DSCAM: variants seen among roughly 807,000 people sequenced by gnomAD.
DSCAM encodes the protein DS cell adhesion molecule.
DSCAM carries 47 observed loss-of-function variants against 217.7 expected under a neutral mutation model. That is an observed-to-expected ratio of 0.22 (90% CI 0.17 to 0.28). DSCAM has a LOEUF of 0.28. Ranked by LOEUF, DSCAM falls within the 10% of genes least tolerant of loss-of-function variation. The pLI is 1.00. For missense variants in DSCAM, 2,080 were observed against 2,618.3 expected (o/e 0.79, Z 4.49); for synonymous variants, 1,056 against 1,015.3 (o/e 1.04, Z -0.76).
chr21:40,646,919 T>C (rs1039174587), intron 3 of DSCAM, among the ~76,000 whole-genome samples: 1 of 152,260 alleles, frequency 6.6e-6, no homozygotes, highest in African/African-American at 2.4e-5. Flanking sequence ...TTTCTGCCAA[T>C]ATTCTCTTCT....
At chr21:40,235,695 A>T (rs993022648) in intron 11 of DSCAM, among the ~76,000 whole-genome samples, 7 of 152,040 alleles carry the variant, frequency 4.6e-5, no homozygotes, top group Non-Finnish European at 1.0e-4. Flanking sequence ...TCTGCAAGCA[A>T]ATTTGGCCTC....
In DSCAM at chr21:40,144,388, A is replaced by C. The variant is rs961530098; in HGVS notation, c.3259+103T>G. 43 of 1,537,554 alleles carry C rather than the reference A, an allele frequency of 2.8e-5. No homozygotes were observed. Among genetic ancestry groups the C allele is most frequent in the Middle Eastern group, 2.4e-4 (1 of 4,172 alleles). On this transcript the variant is annotated intron_variant, in intron 17 of 32. Coordinates refer to ENST00000400454, the MANE Select transcript of DSCAM (RefSeq NM_001389.5). The surrounding 1 kb of genome is among the most constrained non-coding windows in gnomAD (Gnocchi z 4.8). ...GACCCCAGGCCCTGCAGGTCACTGCAAAGTCGTGGGGCGGGGGAGTGCGAG... is the reference window on the plus strand; with the variant it reads ...GACCCCAGGCCCTGCAGGTCACTGCCAAGTCGTGGGGCGGGGGAGTGCGAG...
chr21:40,117,702 A>T (rs1056302084), intron 20 of DSCAM, among the ~76,000 whole-genome samples: 1 of 152,250 alleles, frequency 6.6e-6, no homozygotes, highest in Non-Finnish European at 1.5e-5. Context: ...CATCACGTGT[A>T]GTAAATGTAA....
chr21:40,629,074 GTGGTGTGTGTGTGTGTGTGTGT>G (rs879448307), intron 3 of DSCAM, among the ~76,000 whole-genome samples: 13,222 of 133,456 alleles, frequency 0.099, 708 homozygotes, highest in Middle Eastern at 0.21. Context: ...ATGTGTGTGT[GTGGTGTGTGTGTGTGTGTGTGT>G]GTGTGTGTGT....
chr21:40,294,295 A>G (rs1209920905), intron 10 of DSCAM, among the ~76,000 whole-genome samples: 2 of 152,350 alleles, frequency 1.3e-5, no homozygotes, highest in Admixed American at 6.5e-5. Flanking sequence ...GAAATTTCCC[A>G]AAGGAGAAGT....
chr21:40,348,140 T>C (rs1321176574), intron 5 of DSCAM, among the ~76,000 whole-genome samples, 195 bp from the exon 6 acceptor site: 1 of 89,934 alleles, frequency 1.1e-5, no homozygotes, highest in Non-Finnish European at 2.4e-5. Flanking sequence ...TCCACACAGT[T>C]CCCATCAGCC....
At chr21:40,608,312 T>G (rs2089269332) in intron 3 of DSCAM, among the ~76,000 whole-genome samples, 1 of 152,154 alleles carries the variant, frequency 6.6e-6, no homozygotes, top group Admixed American at 6.5e-5. Flanking sequence ...TATTTGAAAC[T>G]GCAAAGAACA....
At chr21:40,652,072 G>C (rs1218067065) in intron 3 of DSCAM, among the ~76,000 whole-genome samples, 1 of 151,906 alleles carries the variant, frequency 6.6e-6, no homozygotes, top group East Asian at 1.9e-4. Context: ...AGATTATAAA[G>C]GAGTGAGAAA....
intron 3 of DSCAM, among the ~76,000 whole-genome samples, chr21:40,512,871 C>T (rs145914354): frequency 3.3e-5 from 5 of 151,620 alleles, no homozygotes; most frequent in Non-Finnish European, 7.4e-5. Flanking sequence ...CGACGCTTGC[C>T]CATTTCCTCC....
intron 4 of DSCAM, 142 bp downstream of exon 4, chr21:40,368,957 G>C: frequency 3.2e-6 from 3 of 934,056 alleles, no homozygotes; most frequent in Non-Finnish European, 4.5e-6. Flanking sequence ...ATTTAAAAGA[G>C]TTTTAAAATT....
intron 15 of DSCAM, among the ~76,000 whole-genome samples, chr21:40,168,051 A>G (rs2090616593): frequency 1.2e-4 from 19 of 152,046 alleles, no homozygotes; most frequent in Admixed American, 1.2e-3. Context: ...ACAGAGTGAG[A>G]CTCCATCTCA....
At chr21:40,533,234 T>C (rs1048769394) in intron 3 of DSCAM, among the ~76,000 whole-genome samples, 1 of 152,210 alleles carries the variant, frequency 6.6e-6, no homozygotes, top group Non-Finnish European at 1.5e-5. Context: ...TGCCAATGTG[T>C]GTGATGAATC....
At chr21:40,724,279 C>T (rs1182477804) in intron 1 of DSCAM, among the ~76,000 whole-genome samples, 1 of 152,090 alleles carries the variant, frequency 6.6e-6, no homozygotes, top group African/African-American at 2.4e-5. Flanking sequence ...CAGTAAAGCA[C>T]ATGAATAAAC....
rs114741050 is a variant in DSCAM, at chr21:40,042,597, G to A, written c.5460C>T (p.His1820=). The A allele has an allele frequency of 7.5e-4, 1,207 of 1,614,102 alleles. 7 individuals carry two copies. In the African/African-American group the frequency reaches 0.012, roughly 16 times the overall value. Residue 1820 remains histidine (H), a synonymous_variant, in exon 32 of 33, where the codon CAC becomes CAT. Coordinates refer to ENST00000400454, the MANE Select transcript of DSCAM (RefSeq NM_001389.5). ...GCCTCAGTTGCTCTTCCATCTTGGCGTGTTCGTAGGCCCTGGCCAGTTCTT... is the reference window on the plus strand; with the variant it reads ...GCCTCAGTTGCTCTTCCATCTTGGCATGTTCGTAGGCCCTGGCCAGTTCTT... The part of the protein sequence containing the change: ...TYEELARAYE[H]AKMEEQLRHA...
chr21:40,202,803 A>G (rs888646997), intron 11 of DSCAM, among the ~76,000 whole-genome samples: 1 of 152,210 alleles, frequency 6.6e-6, no homozygotes, highest in African/African-American at 2.4e-5. Context: ...TCATTCAAGC[A>G]TTAGTGGCAT....
At chr21:40,461,650 A>C (rs1335787361) in intron 3 of DSCAM, among the ~76,000 whole-genome samples, 1 of 152,188 alleles carries the variant, frequency 6.6e-6, no homozygotes, top group African/African-American at 2.4e-5. Flanking sequence ...TTCATGGCAA[A>C]GGGGAGTTAA....
intron 1 of DSCAM, among the ~76,000 whole-genome samples, chr21:40,754,624 G>A: frequency 6.6e-6 from 1 of 152,176 alleles, no homozygotes; most frequent in Admixed American, 6.5e-5. Context: ...GCTGCTCTCA[G>A]GAGTCAATCT....
intron 20 of DSCAM, among the ~76,000 whole-genome samples, chr21:40,114,408 T>C (rs979019188): frequency 1.1e-4 from 16 of 151,200 alleles, no homozygotes; most frequent in South Asian, 2.1e-4. Context: ...ATACAAAAAT[T>C]AATTCAAGAT....
At chr21:40,456,838 TTA>T (rs1461412818) in intron 3 of DSCAM, among the ~76,000 whole-genome samples, 1 of 152,204 alleles carries the variant, frequency 6.6e-6, no homozygotes, top group Non-Finnish European at 1.5e-5. Context: ...TTCTATATAT[TTA>T]TGACTTTTCA....
Sources: gnomAD v4.1 joint callset for allele counts (sites outside exome capture counted in the v4.1 genomes callset) on GRCh38, gnomAD v4.1.1 for gene constraint, Gnocchi (gnomAD v3.1) non-coding constraint, MANE v1.5 for transcripts, NCBI Gene and HGNC (gene_info 2026-07-23, HGNC 2026-07-21) for gene names.